LMO4: variants seen among roughly 807,000 people sequenced by gnomAD.
LMO4 encodes LIM domain only 4, also known as LIM domain transcription factor LMO4.
LMO4 carries 3 observed loss-of-function variants against 18.5 expected under a neutral mutation model. The observed-to-expected ratio is 0.16, with a 90% confidence interval of 0.07 to 0.42. The LOEUF is 0.42. Among genes scored for constraint, LMO4 ranks in the 10% least tolerant of loss-of-function variants. The probability of loss-of-function intolerance (pLI) is 0.99; values close to 1 mark genes in which losing one functional copy is unlikely to be tolerated. For synonymous variants in LMO4, 100 were observed against 88.1 expected, an observed-to-expected ratio of 1.14 and a Z score of -0.76; for missense variants, 121 against 219.9, an observed-to-expected ratio of 0.55 and a Z score of 2.84.
Position 87,347,802 on chromosome 1 carries a change from C to T in LMO4, c.*3006C>T, listed in dbSNP as rs925713808. 6.6e-6 allele frequency: 1 copy of T among 152,194 alleles called. No individual in the cohort carries two copies. The highest frequency in any genetic ancestry group is 1.5e-5 in the Non-Finnish European group (1 of 68,028). The allele number at this position is 152,194 out of a possible 1,614,324, so 9.4% of individuals were successfully genotyped here. A position where few individuals can be genotyped will look rare whatever the true frequency, so the allele number is the denominator to read the frequency against. ...ATCTAACTGTCTAATTAGATTTACA[C>T]ATCCCGCAAGGCAGGGGAGCCTGAA... On this transcript the variant is annotated 3_prime_UTR_variant, in exon 5 of 5. Transcript: ENST00000370544.
In LMO4 at chr1:87,348,392, ATTG is replaced by A. The variant is rs2100574819; in HGVS notation, c.*3599_*3601del. The A allele has an allele frequency of 1.1e-5, 3 of 283,112 alleles. No homozygotes were observed. The highest frequency in any genetic ancestry group is 3.7e-5 in the South Asian group (1 of 27,270). The allele number at this position is 283,112 out of a possible 1,614,324, so 17.5% of individuals were successfully genotyped here. ...ATAGCTTTGTTACTAAGACTCACCT[ATTG>A]TTAGTGCAGCCAAGTCACAGAAGTG... On this transcript the variant is annotated 3_prime_UTR_variant, in exon 5 of 5. Transcript: ENST00000370544.
chr1:87,338,554 TA>T (rs1368974415), intron 2 of LMO4, among the ~76,000 whole-genome samples: 2 of 152,216 alleles, frequency 1.3e-5, no homozygotes, highest in East Asian at 3.8e-4. Context: ...ACAGATTGCA[TA>T]AAAGCCCAAG....
Position 87,348,372 on chromosome 1 carries a change from T to G in LMO4, c.*3576T>G, listed in dbSNP as rs1650693387. 1 of 246,832 alleles carries G rather than the reference T, an allele frequency of 4.1e-6. No homozygotes were observed. The highest frequency in any genetic ancestry group is 5.2e-5 in the South Asian group (1 of 19,144). 15.3% of individuals were successfully genotyped at this position (246,832 alleles called of 1,614,324 possible). Reference sequence around the variant, plus strand: ...TTTACAAGTTAATGTTACTTATAGCTTTGTTACTAAGACTCACCTATTGTT... The same window carrying G: ...TTTACAAGTTAATGTTACTTATAGCGTTGTTACTAAGACTCACCTATTGTT... On this transcript the variant is annotated 3_prime_UTR_variant, in exon 5 of 5. Transcript: ENST00000370544.
At chr1:87,337,113 A>T (rs1181584993) in intron 2 of LMO4, among the ~76,000 whole-genome samples, 2 of 152,232 alleles carry the variant, frequency 1.3e-5, no homozygotes, top group Non-Finnish European at 2.9e-5. Flanking sequence ...TTAAAGCTGT[A>T]GGCATGGAAA....
intron 2 of LMO4, among the ~76,000 whole-genome samples, chr1:87,336,003 A>G (rs534644569): frequency 1.2e-4 from 16 of 132,100 alleles, no homozygotes; most frequent in African/African-American, 4.9e-4. Context: ...TGTTACTCTG[A>G]ATTAACCAAG....
chr1:87,330,364 G>C (rs1039958460), intron 1 of LMO4, among the ~76,000 whole-genome samples: 2 of 152,138 alleles, frequency 1.3e-5, no homozygotes, highest in Non-Finnish European at 2.9e-5. Context: ...ATTTGGGTTA[G>C]GGCTGAAATT....
At chr1:87,337,113 A>G (rs1181584993) in intron 2 of LMO4, among the ~76,000 whole-genome samples, 1 of 152,232 alleles carries the variant, frequency 6.6e-6, no homozygotes. Flanking sequence ...TTAAAGCTGT[A>G]GGCATGGAAA....
Position 87,344,898 on chromosome 1 carries a change from C to CA in LMO4, c.*103dup. Reference sequence around the variant, plus strand: ...GACAAGTCACCTTTGTAGCTAGCACCAGTGCCAGCTCCATGCCATTGCACC... The same window carrying CA: ...GACAAGTCACCTTTGTAGCTAGCACCAAGTGCCAGCTCCATGCCATTGCACC... On this transcript the variant is annotated 3_prime_UTR_variant, in exon 5 of 5. Transcript: ENST00000370544. The CA allele has an allele frequency of 1.8e-6, 2 of 1,117,534 alleles. No homozygotes were observed. The highest frequency in any genetic ancestry group is 2.5e-5 in the South Asian group (2 of 79,768). 69.2% of individuals were successfully genotyped at this position (1,117,534 alleles called of 1,614,324 possible).
intron 2 of LMO4, among the ~76,000 whole-genome samples, chr1:87,339,025 C>T (rs1368617812): frequency 6.6e-6 from 1 of 152,152 alleles, no homozygotes; most frequent in Non-Finnish European, 1.5e-5. Flanking sequence ...ACCTGGATAG[C>T]AGAGAGTTTC....
In LMO4 at chr1:87,338,932, T is replaced by C. The variant is rs1650394643; in HGVS notation, c.237-604T>C. On this transcript the variant is annotated intron_variant, in intron 2 of 4. Transcript: ENST00000370544. ...TTTCATTATCAAGAGAGAGAGAAGG[T>C]TAGGATGAAAGAGATGAGCAGAGGC... Among the ~76,000 whole-genome samples the C allele has an allele frequency of 2.0e-5, 3 of 152,036 alleles. No homozygotes were observed. In the South Asian group the frequency reaches 6.2e-4, roughly 32 times the overall value.
intron 2 of LMO4, among the ~76,000 whole-genome samples, chr1:87,335,105 C>A (rs981760023): frequency 6.6e-6 from 1 of 152,134 alleles, no homozygotes; most frequent in Non-Finnish European, 1.5e-5. Flanking sequence ...CTGGCCCCCC[C>A]ATCTTACAAA....
chr1:87,344,728 G>C, intron 4 of LMO4, 60 bp from the exon 5 acceptor site: 3 of 1,556,926 alleles, frequency 1.9e-6, no homozygotes, highest in Admixed American at 3.3e-5. Context: ...AGTCATGTTT[G>C]AGTTTAATAT....
At chr1:87,331,059 G>GC (rs1436098787) in intron 1 of LMO4, among the ~76,000 whole-genome samples, 1 of 1,724 alleles carries the variant, frequency 5.8e-4, no homozygotes, top group Non-Finnish European at 2.1e-3. Flanking sequence ...CTGTAACGCC[G>GC]CCCGCCCCCC....
At chr1:87,331,404 C>G (rs992070079) in intron 1 of LMO4, 1 of 152,560 alleles carries the variant, frequency 6.6e-6, no homozygotes, top group Admixed American at 6.5e-5. Flanking sequence ...CCACGCTCTC[C>G]GTCTCCCGTC....
In LMO4 at chr1:87,345,019, C is replaced by T. The variant is rs55673919; in HGVS notation, c.*223C>T. The T allele has an allele frequency of 1.2e-4, 33 of 266,192 alleles. No homozygotes were observed. The Middle Eastern group carries it at 1.6e-3, about 13-fold the overall frequency. 16.5% of individuals were successfully genotyped at this position (266,192 alleles called of 1,614,324 possible). A position where few individuals can be genotyped will look rare whatever the true frequency, so the allele number is the denominator to read the frequency against. On this transcript the variant is annotated 3_prime_UTR_variant, in exon 5 of 5. Transcript: ENST00000370544. ...TCCATGAACCTGGGCTAATGGGAGACTGTAGAGAAAATGAAAAAAGATCCA... is the reference window on the plus strand; with the variant it reads ...TCCATGAACCTGGGCTAATGGGAGATTGTAGAGAAAATGAAAAAAGATCCA...
chr1:87,341,187 T>C (rs898296208), intron 4 of LMO4, among the ~76,000 whole-genome samples: 3 of 152,222 alleles, frequency 2.0e-5, no homozygotes, highest in Non-Finnish European at 2.9e-5. Context: ...ATACTGATTA[T>C]GTATTGATGA....
At chr1:87,337,264 A>T (rs1650343285) in intron 2 of LMO4, among the ~76,000 whole-genome samples, 1 of 152,220 alleles carries the variant, frequency 6.6e-6, no homozygotes, top group Non-Finnish European at 1.5e-5. Flanking sequence ...AAAGGTTATG[A>T]TAGCAGCCCT....
chr1:87,338,704 G>T (rs1650384959), intron 2 of LMO4, among the ~76,000 whole-genome samples: 1 of 152,038 alleles, frequency 6.6e-6, no homozygotes, highest in Admixed American at 6.5e-5. Flanking sequence ...CTCCCCCCAT[G>T]GCAGATGTTG....
chr1:87,334,807 C>T (rs1382062489), intron 2 of LMO4, among the ~76,000 whole-genome samples: 3 of 152,130 alleles, frequency 2.0e-5, no homozygotes, highest in Non-Finnish European at 4.4e-5. Flanking sequence ...GCCTCCTCTC[C>T]CTCCAAGATT....
Sources: allele counts gnomAD v4.1 joint callset (sites outside exome capture counted in the v4.1 genomes callset), GRCh38; gene constraint gnomAD v4.1.1; transcripts MANE v1.5; gene names NCBI Gene and HGNC (gene_info 2026-07-23, HGNC 2026-07-21).